Variants in NRXN3 observed in about 807,000 individuals in gnomAD.
NRXN3 encodes the protein neurexin III.
A neutral mutation model predicts 137.6 loss-of-function variants in NRXN3; 32 were observed. The ratio of observed to expected loss-of-function variants is 0.23; its 90% confidence interval spans 0.18 to 0.31. The LOEUF is 0.31. Among genes scored for constraint, NRXN3 ranks in the 10% least tolerant of loss-of-function variants. The pLI, the probability that NRXN3 is intolerant of heterozygous loss-of-function variation, is 1.00. For missense variants in NRXN3, 1,574 were observed against 2,062.5 expected, an observed-to-expected ratio of 0.76 and a Z score of 4.59; for synonymous variants, 798 against 784.5, an observed-to-expected ratio of 1.02 and a Z score of -0.29.
intron 16 of NRXN3, among the ~76,000 whole-genome samples, chr14:79,514,913 G>T (rs2153694617): frequency 7.0e-6 from 1 of 141,868 alleles, no homozygotes; most frequent in South Asian, 2.1e-4. Flanking sequence ...AATGTGCTAG[G>T]GTGCAGTAAG....
At chr14:79,252,465 C>T (rs896579463) in intron 15 of NRXN3, among the ~76,000 whole-genome samples, 2 of 151,992 alleles carry the variant, frequency 1.3e-5, no homozygotes, top group Non-Finnish European at 2.9e-5. Context: ...TTGTTTCATT[C>T]TGTCATGCCA....
At chr14:78,980,078 T>C (rs1457733107) in intron 14 of NRXN3, among the ~76,000 whole-genome samples, 1 of 152,210 alleles carries the variant, frequency 6.6e-6, no homozygotes, top group Non-Finnish European at 1.5e-5. Context: ...GGAATTCTAC[T>C]ATGATAACTT....
At chr14:78,727,689 C>G (rs556363630) in intron 8 of NRXN3, among the ~76,000 whole-genome samples, 1 of 152,072 alleles carries the variant, frequency 6.6e-6, no homozygotes, top group Non-Finnish European at 1.5e-5. Context: ...GAGCCAAGAT[C>G]GCGCCATTGT....
At chr14:78,366,597 T>C (rs1346517984) in intron 4 of NRXN3, among the ~76,000 whole-genome samples, 1 of 152,174 alleles carries the variant, frequency 6.6e-6, no homozygotes, top group Non-Finnish European at 1.5e-5. Flanking sequence ...GTCTTATGGC[T>C]GGGGAGGCCT....
At chr14:79,276,095 T>A (rs114997632) in intron 15 of NRXN3, among the ~76,000 whole-genome samples, 1 of 152,164 alleles carries the variant, frequency 6.6e-6, no homozygotes, top group African/African-American at 2.4e-5. Context: ...GAGCTTTTGA[T>A]GGTAGGACAA....
intron 6 of NRXN3, among the ~76,000 whole-genome samples, chr14:78,659,125 G>A (rs1304842128): frequency 2.0e-5 from 3 of 152,110 alleles, no homozygotes; most frequent in Admixed American, 6.5e-5. Context: ...AATATGATTG[G>A]TGTCGTTATA....
At chr14:79,402,692 T>C (rs767076774) in intron 15 of NRXN3, among the ~76,000 whole-genome samples, 8 of 152,178 alleles carry the variant, frequency 5.3e-5, no homozygotes, top group Admixed American at 6.5e-5. Flanking sequence ...AAGAATTAGA[T>C]CTCAAACTAA....
At chr14:78,454,606 A>G (rs1471557694) in intron 4 of NRXN3, among the ~76,000 whole-genome samples, 1 of 152,194 alleles carries the variant, frequency 6.6e-6, no homozygotes, top group African/African-American at 2.4e-5. Context: ...TGGCCTCTCT[A>G]CAGTGTCTGT....
At chr14:79,280,332 G>A (rs1253558370) in intron 15 of NRXN3, 2 of 1,613,914 alleles carry the variant, frequency 1.2e-6, no homozygotes, top group African/African-American at 1.3e-5. Flanking sequence ...CCTCCTCGCC[G>A]GCCGGCCTGG....
intron 15 of NRXN3, among the ~76,000 whole-genome samples, chr14:79,330,741 A>G (rs2091556140): frequency 6.6e-6 from 1 of 152,216 alleles, no homozygotes; most frequent in South Asian, 2.1e-4. Context: ...CTAATACCCT[A>G]ATCACTTACA....
intron 20 of NRXN3, among the ~76,000 whole-genome samples, chr14:79,835,124 C>G (rs952283160): frequency 1.6e-4 from 24 of 152,068 alleles, no homozygotes; most frequent in African/African-American, 5.8e-4. Context: ...ACATGGTGAC[C>G]ATAGCAAATA....
At chr14:79,462,255 C>T (rs1177256620) in intron 15 of NRXN3, among the ~76,000 whole-genome samples, 4 of 151,894 alleles carry the variant, frequency 2.6e-5, no homozygotes, top group Admixed American at 6.6e-5. Context: ...TGCCTGTAAT[C>T]CCAGCTACTT....
intron 19 of NRXN3, among the ~76,000 whole-genome samples, chr14:79,799,884 G>A (rs2099171885): frequency 1.3e-5 from 2 of 152,182 alleles, no homozygotes; most frequent in Non-Finnish European, 1.5e-5. Context: ...CAGAGGAACT[G>A]TGTCTTATCT....
intron 15 of NRXN3, among the ~76,000 whole-genome samples, chr14:79,200,532 T>C (rs1871487): frequency 1 from 151,534 of 152,264 alleles, 75,409 homozygotes; most frequent in Middle Eastern, 1. Flanking sequence ...ATGGGGATCA[T>C]TGAGGATGAA....
Position 78,479,026 on chromosome 14 carries a change from A to G in NRXN3, c.758-166094A>G, listed in dbSNP as rs556808684. On this transcript the variant is annotated intron_variant, in intron 4 of 20. Transcript: ENST00000335750. ...ACAGTTAGAGAACTAGGATAATTGT[A>G]AATATTTTTTATAGCAAACCAATGT... 7.9e-5 allele frequency among the ~76,000 whole-genome samples: 12 copies of G among 152,348 alleles called. No individual in the cohort carries two copies. In the South Asian group the frequency reaches 2.5e-3, roughly 32 times the overall value.
chr14:79,223,318 C>T (rs1174264528), intron 15 of NRXN3, among the ~76,000 whole-genome samples: 1 of 152,070 alleles, frequency 6.6e-6, no homozygotes, highest in African/African-American at 2.4e-5. Flanking sequence ...CTGAATTTAT[C>T]TTATGGATTT....
chr14:79,755,041 G>A (rs2099014548), intron 19 of NRXN3, among the ~76,000 whole-genome samples: 2 of 152,022 alleles, frequency 1.3e-5, no homozygotes, highest in African/African-American at 4.8e-5. Flanking sequence ...CTCAGTCTCA[G>A]GTATATCTTT....
rs149460506 is a variant in NRXN3 at position 79,645,379 on chromosome 14, G to T, written c.3445-18399G>T. 1.5e-5 allele frequency among the ~76,000 whole-genome samples: 2 copies of T among 134,564 alleles called. 1 individual carries two copies. The highest frequency in any genetic ancestry group is 4.0e-4 in the East Asian group (2 of 5,056). The allele number at this position is 134,564 out of a possible 152,430, so 88.3% of individuals were successfully genotyped here. ...ATTCATAATCCCAGCATTTTGGGAG[G>T]CCGAGGTAGGTAGATCACCTGAGGT... On this transcript the variant is annotated intron_variant, in intron 16 of 20. Coordinates refer to ENST00000335750, the MANE Select transcript of NRXN3 (RefSeq NM_001330195.2).
chr14:79,703,114 T>C (rs1388721389), intron 19 of NRXN3, among the ~76,000 whole-genome samples: 3 of 152,094 alleles, frequency 2.0e-5, no homozygotes, highest in African/African-American at 7.2e-5. Flanking sequence ...GAACTATCCT[T>C]ATAACTAGTC....
Sources: gnomAD v4.1 joint callset for allele counts (sites outside exome capture counted in the v4.1 genomes callset) on GRCh38, gnomAD v4.1.1 for gene constraint, MANE v1.5 for transcripts, NCBI Gene and HGNC (gene_info 2026-07-23, HGNC 2026-07-21) for gene names.